Variants in ZC3H7B observed in about 807,000 individuals in gnomAD.
ZC3H7B encodes the protein zinc finger CCCH-type containing 7B.
Under a neutral mutation model 116.0 loss-of-function variants are expected in ZC3H7B, and 35 were observed. The ratio of observed to expected loss-of-function variants is 0.30; its 90% CI spans 0.23 to 0.40. The LOEUF (loss-of-function observed/expected upper bound fraction) is 0.40. Among genes scored for constraint, ZC3H7B ranks in the 10% least tolerant of loss-of-function variants. The pLI is 1.00. For synonymous variants in ZC3H7B, 502 were observed against 545.6 expected, an observed-to-expected ratio of 0.92 and a Z score of 1.11; for missense variants, 1,011 against 1,321.5, an observed-to-expected ratio of 0.77 and a Z score of 3.64.
chr22:41,343,349 G>A (rs2036544758), intron 12 of ZC3H7B, 66 bp from the exon 13 acceptor site: 1 of 1,555,508 alleles, frequency 6.4e-7, no homozygotes, highest in African/African-American at 1.4e-5. Context: ...CCACCGCATG[G>A]GCCTGCCAGC....
At chr22:41,313,281 G>C (rs913943850) in intron 1 of ZC3H7B, among the ~76,000 whole-genome samples, 7 of 152,076 alleles carry the variant, frequency 4.6e-5, no homozygotes, top group Admixed American at 1.3e-4. Flanking sequence ...ACCACGCCAG[G>C]CTAATTTTTT....
At chr22:41,319,448 T>C (rs1020691904) in intron 1 of ZC3H7B, among the ~76,000 whole-genome samples, 3 of 151,190 alleles carry the variant, frequency 2.0e-5, no homozygotes, top group African/African-American at 2.4e-5. Flanking sequence ...CAAGTGCTTA[T>C]AGTCCCAGCT....
intron 1 of ZC3H7B, among the ~76,000 whole-genome samples, chr22:41,301,973 C>T (rs2035971850): frequency 6.6e-6 from 1 of 152,112 alleles, no homozygotes; most frequent in African/African-American, 2.4e-5. Flanking sequence ...CTCTAAAACC[C>T]CATTTGCTCC....
At chr22:41,339,263 G>A (rs1416667279) in intron 9 of ZC3H7B, 72 bp downstream of exon 9, 1 of 1,508,966 alleles carries the variant, frequency 6.6e-7, no homozygotes, top group South Asian at 1.3e-5. Context: ...CCCAGGGGTG[G>A]AGGGAAGGCC....
Position 41,340,810 on chromosome 22 carries a change from C to T in ZC3H7B, c.1139-278C>T, listed in dbSNP as rs1037747646. Among the ~76,000 whole-genome samples, 7 of 152,136 alleles carry T rather than the reference C, an allele frequency of 4.6e-5. No individual in the cohort carries two copies. In the South Asian group the frequency reaches 6.2e-4, roughly 14 times the overall value. On this transcript the variant is annotated intron_variant, in intron 10 of 22. Coordinates refer to ENST00000352645, the MANE Select transcript of ZC3H7B (RefSeq NM_017590.6). ...CAGCTGGGGTGGGGGCCTTGGTCTC[C>T]GAGGACCTGGGAGCAAGCTAAGGAA...
chr22:41,328,358 C>T (rs1437405689), intron 5 of ZC3H7B, among the ~76,000 whole-genome samples: 1 of 152,208 alleles, frequency 6.6e-6, no homozygotes, highest in East Asian at 1.9e-4. Flanking sequence ...AGGGAACTCT[C>T]TCTTTTCCCA....
At chr22:41,320,799 C>A in intron 2 of ZC3H7B, 86 bp downstream of exon 2, 1 of 1,573,510 alleles carries the variant, frequency 6.4e-7, no homozygotes, top group South Asian at 1.1e-5. Flanking sequence ...GCTCCCTTTT[C>A]TTGCTGCTGA....
intron 1 of ZC3H7B, among the ~76,000 whole-genome samples, chr22:41,315,996 T>TC (rs1030339280): frequency 6.6e-6 from 1 of 152,128 alleles, no homozygotes; most frequent in Non-Finnish European, 1.5e-5. Context: ...TAGTTTTTTT[T>TC]TTTTTTTGAG....
intron 1 of ZC3H7B, among the ~76,000 whole-genome samples, chr22:41,310,601 A>G (rs1355529671): frequency 1.3e-5 from 2 of 152,226 alleles, no homozygotes; most frequent in Admixed American, 6.5e-5. Context: ...GCTCAAGAGG[A>G]ACAGGGTATG....
rs756252156 is a variant in ZC3H7B at position 41,338,746 on chromosome 22, G to A, written c.626-255G>A. On this transcript the variant is annotated intron_variant, in intron 8 of 22. Transcript: ENST00000352645. This position sits in a 1 kb window ranked among gnomAD's most constrained non-coding sequence, Gnocchi z 4.5. ...CCCAGAAGAAGGAGGCAGCAGTGGTGGACATTTAGGCATTGAGCCTGGGCC... is the reference window on the plus strand; with the variant it reads ...CCCAGAAGAAGGAGGCAGCAGTGGTAGACATTTAGGCATTGAGCCTGGGCC... 6.6e-6 allele frequency among the ~76,000 whole-genome samples: 1 copy of A among 152,156 alleles called. No homozygotes were observed. Among genetic ancestry groups the A allele is most frequent in the African/African-American group, 2.4e-5 (1 of 41,420 alleles).
intron 5 of ZC3H7B, 31 bp from the exon 6 acceptor site, chr22:41,329,992 G>C (rs1423693691): frequency 5.0e-6 from 8 of 1,611,750 alleles, no homozygotes; most frequent in East Asian, 4.5e-5. Context: ...CGGGCAGACT[G>C]ACCCACCGCC....
chr22:41,331,035 A>G (rs1448660287), intron 6 of ZC3H7B, among the ~76,000 whole-genome samples: 1 of 145,192 alleles, frequency 6.9e-6, no homozygotes, highest in Non-Finnish European at 1.5e-5. Flanking sequence ...ACGCCCGGCT[A>G]ATTTTTTATA....
At chr22:41,341,212 G>A (rs2036518703) in intron 11 of ZC3H7B, 66 bp downstream of exon 11, 1 of 1,591,014 alleles carries the variant, frequency 6.3e-7, no homozygotes, top group Non-Finnish European at 8.6e-7. Context: ...TCTAGAGTTG[G>A]GGAATGAGCC....
rs2036629958 is a variant in ZC3H7B, at chr22:41,349,443, G to C, written c.1948+142G>C. 9.2e-7 allele frequency: 1 copy of C among 1,084,648 alleles called. No individual in the cohort carries two copies. Among genetic ancestry groups the C allele is most frequent in the Non-Finnish European group, 1.3e-6 (1 of 769,082 alleles). 67.2% of individuals were successfully genotyped at this position (1,084,648 alleles called of 1,614,324 possible). On this transcript the variant is annotated intron_variant, in intron 16 of 22. Transcript: ENST00000352645. This position sits in a 1 kb window ranked among gnomAD's most constrained non-coding sequence, Gnocchi z 4.9. ...GGGGGCTTCGGGAGAGTTCAGGAGA[G>C]GTGGCTGCGGGGTGGGCTCTCTGTG...
rs1442604306 is a variant in ZC3H7B, at chr22:41,302,428, C to CG, written c.-7+657dup. On this transcript the variant is annotated intron_variant, in intron 1 of 22. Coordinates refer to ENST00000352645, the MANE Select transcript of ZC3H7B (RefSeq NM_017590.6). The surrounding 1 kb of genome is among the most constrained non-coding windows in gnomAD (Gnocchi z 5.7). Reference sequence around the variant, plus strand: ...TGCTGGGCAGGGGGGCGTTTCCGGTCGCAGGATCAGTCTCTGGACTTCGAG... The same window carrying CG: ...TGCTGGGCAGGGGGGCGTTTCCGGTCGGCAGGATCAGTCTCTGGACTTCGAG... Among the ~76,000 whole-genome samples the CG allele has an allele frequency of 6.6e-6, 1 of 152,026 alleles. No individual in the cohort carries two copies. Among genetic ancestry groups the CG allele is most frequent in the African/African-American group, 2.4e-5 (1 of 41,402 alleles).
chr22:41,338,863 C>A lies in ZC3H7B; in HGVS notation c.626-138C>A. ...CCTGAGCATCTGCCAGTGGGATCAG[C>A]CGATGGGGAAGGCAGGGCTCCTGGC... On this transcript the variant is annotated intron_variant, in intron 8 of 22. Transcript: ENST00000352645. The surrounding 1 kb of genome is among the most constrained non-coding windows in gnomAD (Gnocchi z 4.5). 2.0e-6 allele frequency: 2 copies of A among 1,008,180 alleles called. No homozygotes were observed. The highest frequency in any genetic ancestry group is 2.8e-6 in the Non-Finnish European group (2 of 704,280). The allele number at this position is 1,008,180 out of a possible 1,614,324, so 62.5% of individuals were successfully genotyped here.
rs1387049253 is a variant in ZC3H7B at position 41,332,227 on chromosome 22, G to C, written c.582G>C (p.Gln194His). The C allele has an allele frequency of 6.2e-7, 1 of 1,614,084 alleles. No individual in the cohort carries two copies. Among genetic ancestry groups the C allele is most frequent in the African/African-American group, 1.3e-5 (1 of 74,934 alleles). Residue 194 changes from glutamine to histidine, a missense_variant and splice_region_variant, in exon 7 of 23, where the codon CAG becomes CAC. Gln to His is a conservative substitution (Grantham distance 24, BLOSUM62 0). Coordinates refer to ENST00000352645, the MANE Select transcript of ZC3H7B (RefSeq NM_017590.6). ...SNGTAAGVAD[Q>H]GTSNGLGSID... is the part of the protein sequence containing the mutation. Reference sequence around the variant, plus strand: ...GCACTGCGGCTGGCGTGGCAGATCAGGTAGGATCGGGGCTGAACCAACCTG... The same window carrying C: ...GCACTGCGGCTGGCGTGGCAGATCACGTAGGATCGGGGCTGAACCAACCTG...
chr22:41,355,902 C>T, intron 19 of ZC3H7B, 40 bp downstream of exon 19: 1 of 1,610,398 alleles, frequency 6.2e-7, no homozygotes, highest in Non-Finnish European at 8.5e-7. Flanking sequence ...CCCCAGGAGG[C>T]AGCGATGCTT....
chr22:41,309,006 T>G (rs943970093), intron 1 of ZC3H7B, among the ~76,000 whole-genome samples: 3 of 141,602 alleles, frequency 2.1e-5, no homozygotes, highest in Non-Finnish European at 4.6e-5. Context: ...ACTCCCAGTC[T>G]GCTTTTTTTT....
Sources: gnomAD v4.1 joint callset for allele counts (sites outside exome capture counted in the v4.1 genomes callset) on GRCh38, gnomAD v4.1.1 for gene constraint, Gnocchi (gnomAD v3.1) non-coding constraint, MANE v1.5 for transcripts, NCBI Gene and HGNC (gene_info 2026-07-23, HGNC 2026-07-21) for gene names.